The following PIR variants were observed in gnomAD, a reference collection of about 807,000 sequenced individuals.
The protein encoded by PIR is pirin, also known as pirin (iron-binding nuclear protein).
A neutral mutation model predicts 24.2 loss-of-function variants in PIR; 22 were observed. The ratio of observed to expected loss-of-function variants is 0.91; its 90% CI spans 0.65 to 1.30. The LOEUF is 1.30. PIR is among the 50% of genes most tolerant of loss of function. The pLI, the probability that PIR is intolerant of heterozygous loss-of-function variation, is 0.00. For missense variants in PIR, 220 were observed against 220.3 expected, an observed-to-expected ratio of 1.00 and a Z score of 0.01; for synonymous variants, 80 against 79.6, an observed-to-expected ratio of 1.00 and a Z score of -0.03.
chrX:15,430,514 C>T (rs1925473758), intron 5 of PIR, among the ~76,000 whole-genome samples: 1 of 111,738 alleles, frequency 8.9e-6, no homozygotes, highest in African/African-American at 3.3e-5. Context: ...TCCAGGAAAA[C>T]CTTGTCTCTC....
At chrX:15,449,128 A>G (rs1481034024) in intron 5 of PIR, among the ~76,000 whole-genome samples, 1 of 112,161 alleles carries the variant, frequency 8.9e-6, no homozygotes, top group Non-Finnish European at 1.9e-5. Flanking sequence ...CTTGTCGGCC[A>G]GGACAGCTGA....
At chrX:15,421,171 T>C (rs978296125) in intron 6 of PIR, among the ~76,000 whole-genome samples, 5 of 112,022 alleles carry the variant, frequency 4.5e-5, no homozygotes, top group African/African-American at 1.6e-4. Flanking sequence ...AAAGCACACA[T>C]ACACTTAATG....
chrX:15,419,444 C>G (rs1602257101), intron 6 of PIR, among the ~76,000 whole-genome samples: 1 of 96,851 alleles, frequency 1.0e-5, no homozygotes, highest in Non-Finnish European at 2.1e-5. Flanking sequence ...GACAGACAGA[C>G]TGAGAAAGAG....
At chrX:15,427,170 T>C (rs1925344801) in intron 5 of PIR, among the ~76,000 whole-genome samples, 1 of 111,090 alleles carries the variant, frequency 9.0e-6, no homozygotes, top group African/African-American at 3.3e-5. Context: ...CAAGCCAAAA[T>C]TAATTTATGA....
chrX:15,465,139 G>A (rs1169081518), intron 3 of PIR, among the ~76,000 whole-genome samples: 5 of 110,954 alleles, frequency 4.5e-5, no homozygotes, highest in Non-Finnish European at 9.4e-5. Context: ...CCTTTCCCTG[G>A]TTATACAATT....
chrX:15,464,343 T>C (rs1322797240), intron 3 of PIR: 2 of 637,147 alleles, frequency 3.1e-6, no homozygotes, highest in Non-Finnish European at 3.8e-6. Flanking sequence ...TTTTCTGTAA[T>C]AATTAATTGA....
At chrX:15,481,974 G>T (rs1417753116) in intron 2 of PIR, among the ~76,000 whole-genome samples, 1 of 111,567 alleles carries the variant, frequency 9.0e-6, no homozygotes, top group African/African-American at 3.3e-5. Flanking sequence ...CATAGCCAAG[G>T]TCAGGAGCAA....
Position 15,390,926 on chromosome X carries a change from T to C in PIR, c.694-675A>G, listed in dbSNP as rs145180845. On this transcript the variant is annotated intron_variant, in intron 8 of 9. Transcript: ENST00000380420. ...TTTGGGAGATTTTCAACTGGTGCAG[T>C]AATCCTTCCAGAGAGCAATTTGACA... Among the ~76,000 whole-genome samples the C allele has an allele frequency of 7.2e-5, 8 of 111,668 alleles. 1 individual carries two copies. The highest frequency in any genetic ancestry group is 3.8e-4 in the Admixed American group (4 of 10,421).
At chrX:15,407,616 G>A (rs1924589965) in intron 6 of PIR, 66 bp from the exon 7 acceptor site, 1 of 781,666 alleles carries the variant, frequency 1.3e-6, no homozygotes, top group Non-Finnish European at 2.0e-6. Flanking sequence ...AGACATATAC[G>A]TATTACAAAC....
Position 15,408,782 on chromosome X carries a change from C to T in PIR, c.566-1232G>A, listed in dbSNP as rs140816344. On this transcript the variant is annotated intron_variant, in intron 6 of 9. Coordinates refer to ENST00000380420, the MANE Select transcript of PIR (RefSeq NM_001018109.3). ...ACACTGGAGTCTCTGGAGGAGTCAG[C>T]GTGATGACAGGGTAAACAAAGGCGA... Among the ~76,000 whole-genome samples, 186 of 111,858 alleles carry T rather than the reference C, an allele frequency of 1.7e-3. 7 individuals are homozygous for T. In the East Asian group the frequency reaches 0.049, roughly 30 times the overall value.
At chrX:15,487,955 T>G (rs895908455) in intron 2 of PIR, among the ~76,000 whole-genome samples, 4 of 112,207 alleles carry the variant, frequency 3.6e-5, no homozygotes, top group Non-Finnish European at 3.8e-5. Flanking sequence ...GATATTTCTT[T>G]AGAGACAGAA....
chrX:15,406,966 A>G (rs757639596), intron 7 of PIR, among the ~76,000 whole-genome samples: 1 of 112,430 alleles, frequency 8.9e-6, no homozygotes, highest in African/African-American at 3.2e-5. Flanking sequence ...TAAGTTAAAC[A>G]ACTTTCTTAG....
Position 15,407,514 on chromosome X carries a change from AC to A in PIR, c.601del (p.Val201CysfsTer12), listed in dbSNP as rs752704052. ...ACACAGCCATAACTTACCAATATACACATCTCCAGATATCGTGTAAATGAAG... is the reference window on the plus strand; with the variant it reads ...ACACAGCCATAACTTACCAATATACAATCTCCAGATATCGTGTAAATGAAG... ...TSFIYTISGD[V>X]YIGPDDAQQK... is the part of the protein sequence containing the mutation. On this transcript the variant is annotated frameshift_variant, in exon 7 of 10. Transcript: ENST00000380420. LOFTEE classifies it high-confidence loss of function. 1 of 1,198,089 alleles carries A rather than the reference AC, an allele frequency of 8.3e-7. No homozygotes were observed. The highest frequency in any genetic ancestry group is 1.1e-6 in the Non-Finnish European group (1 of 884,200).
chrX:15,490,183 T>C (rs1435794152), intron 2 of PIR, among the ~76,000 whole-genome samples: 3 of 111,918 alleles, frequency 2.7e-5, no homozygotes, highest in Non-Finnish European at 1.9e-5. Flanking sequence ...ATATATACAA[T>C]TTTTATTTGT....
intron 5 of PIR, among the ~76,000 whole-genome samples, chrX:15,449,249 T>C (rs994476033): frequency 1.8e-5 from 2 of 111,710 alleles, no homozygotes; most frequent in Non-Finnish European, 3.8e-5. Flanking sequence ...TTTGCAGAAT[T>C]CTTTCTCCCT....
chrX:15,465,611 C>T (rs185134542), intron 3 of PIR, among the ~76,000 whole-genome samples: 2 of 112,311 alleles, frequency 1.8e-5, no homozygotes, highest in East Asian at 2.8e-4. Context: ...ACTTGACGTG[C>T]TTCTTGGTCC....
intron 2 of PIR, among the ~76,000 whole-genome samples, chrX:15,482,875 C>T (rs1208276019): frequency 7.2e-5 from 8 of 110,896 alleles, no homozygotes; most frequent in Non-Finnish European, 3.8e-5. Context: ...TCTTCTGGTC[C>T]TGCTGTCTTT....
chrX:15,448,262 C>G (rs1482011345), intron 5 of PIR, among the ~76,000 whole-genome samples: 1 of 112,427 alleles, frequency 8.9e-6, no homozygotes, highest in Non-Finnish European at 1.9e-5. Flanking sequence ...TACCACAAGA[C>G]AAGTTCTTTG....
At chrX:15,428,257 G>C (rs1426779756) in intron 5 of PIR, among the ~76,000 whole-genome samples, 4 of 111,873 alleles carry the variant, frequency 3.6e-5, no homozygotes, top group Non-Finnish European at 7.5e-5. Flanking sequence ...CAGCACACAA[G>C]GGGCACAGGA....
Sources: gnomAD v4.1 joint callset for allele counts (sites outside exome capture counted in the v4.1 genomes callset) on GRCh38, gnomAD v4.1.1 for gene constraint, MANE v1.5 for transcripts, NCBI Gene and HGNC (gene_info 2026-07-23, HGNC 2026-07-21) for gene names.